Variants in SDK1 observed in about 807,000 individuals in gnomAD.
The protein encoded by SDK1 is protein sidekick-1.
In SDK1, 157 loss-of-function variants were observed where a neutral mutation model predicts 245.5. That is an observed-to-expected ratio of 0.64 (90% CI 0.56 to 0.73). The LOEUF (loss-of-function observed/expected upper bound fraction) is 0.73, where lower values mean the gene tolerates loss of function less well. Ranked by LOEUF, SDK1 falls within the 30% of genes least tolerant of loss-of-function variation. The pLI is 0.00. For missense variants in SDK1, 3,583 were observed against 3,002.3 expected, an observed-to-expected ratio of 1.19 and a Z score of -4.52; for synonymous variants, 1,647 against 1,278.5, an observed-to-expected ratio of 1.29 and a Z score of -6.15.
intron 1 of SDK1, among the ~76,000 whole-genome samples, chr7:3,321,609 A>G (rs929051999): frequency 6.6e-6 from 1 of 152,150 alleles, no homozygotes; most frequent in Non-Finnish European, 1.5e-5. Context: ...CCAAAGAAAC[A>G]TTCTTCATGT....
chr7:4,151,481 G>A (rs1028814669), intron 30 of SDK1, among the ~76,000 whole-genome samples: 27 of 152,142 alleles, frequency 1.8e-4, no homozygotes, highest in Non-Finnish European at 2.8e-4. Flanking sequence ...AAGCTGTTCC[G>A]TCCCCACAAC....
intron 32 of SDK1, among the ~76,000 whole-genome samples, chr7:4,166,782 G>C (rs1781526326): frequency 6.6e-6 from 1 of 152,224 alleles, no homozygotes; most frequent in Non-Finnish European, 1.5e-5. Flanking sequence ...ACGTGGTTGA[G>C]CCTCCCTCAG....
intron 1 of SDK1, among the ~76,000 whole-genome samples, chr7:3,443,786 G>T (rs1346801956): frequency 2.0e-5 from 3 of 152,084 alleles, no homozygotes; most frequent in African/African-American, 7.2e-5. Flanking sequence ...TTTATTTTTA[G>T]ATTCTTTCTT....
intron 1 of SDK1, among the ~76,000 whole-genome samples, chr7:3,372,593 G>A (rs1444320814): frequency 4.6e-5 from 7 of 152,272 alleles, no homozygotes; most frequent in African/African-American, 1.4e-4. Flanking sequence ...CTTTGAGAAC[G>A]TCACTGGGCC....
chr7:4,067,759 T>A (rs1779994931), intron 19 of SDK1, 79 bp from the exon 20 acceptor site: 2 of 1,036,012 alleles, frequency 1.9e-6, no homozygotes, highest in Non-Finnish European at 2.9e-6. Context: ...CCTTCCATAG[T>A]TAGAACCTTC....
chr7:3,503,632 A>G (rs553581407), intron 1 of SDK1, among the ~76,000 whole-genome samples: 187 of 152,246 alleles, frequency 1.2e-3, no homozygotes, highest in African/African-American at 4.1e-3. Flanking sequence ...CGCTATGACC[A>G]TGCCACTGCA....
chr7:3,491,394 A>T (rs1050325665), intron 1 of SDK1, among the ~76,000 whole-genome samples: 2 of 152,256 alleles, frequency 1.3e-5, no homozygotes, highest in African/African-American at 2.4e-5. Flanking sequence ...AAACGATGTC[A>T]GTGTTTAGCC....
intron 17 of SDK1, among the ~76,000 whole-genome samples, chr7:4,038,286 C>T (rs1267748554): frequency 6.6e-6 from 1 of 152,236 alleles, no homozygotes; most frequent in Non-Finnish European, 1.5e-5. Flanking sequence ...CTCCCCACTT[C>T]CTGGCAGATG....
chr7:3,806,657 A>G (rs2115041793), intron 4 of SDK1, among the ~76,000 whole-genome samples: 2 of 151,908 alleles, frequency 1.3e-5, no homozygotes, highest in African/African-American at 2.4e-5. Context: ...AAATGTGACG[A>G]GGACTAAGAA....
rs541677495 is a variant in SDK1, at chr7:4,192,382, TCTC to T, written c.5099-13494_5099-13492del. On this transcript the variant is annotated intron_variant, in intron 35 of 44. Coordinates refer to ENST00000404826, the MANE Select transcript of SDK1 (RefSeq NM_152744.4). ...GCTCCGCCTCCCGGGTTCACACCAT[TCTC>T]CTGCCTCAGCCTCCCAAGTAGCTGG... 4.2e-4 allele frequency among the ~76,000 whole-genome samples: 64 copies of T among 152,244 alleles called. 1 individual carries two copies. Among genetic ancestry groups the T allele is most frequent in the African/African-American group, 1.3e-3 (54 of 41,530 alleles).
chr7:3,872,731 A>G (rs950470619), intron 5 of SDK1, among the ~76,000 whole-genome samples: 1 of 151,938 alleles, frequency 6.6e-6, no homozygotes, highest in Non-Finnish European at 1.5e-5. Context: ...GGTTTCACTG[A>G]TTTAATGCCT....
rs764861218 is a variant in SDK1, at chr7:3,967,304, A to G, written c.1430-14A>G. 5 of 1,596,472 alleles carry G rather than the reference A, an allele frequency of 3.1e-6. No homozygotes were observed. The highest frequency in any genetic ancestry group is 4.3e-6 in the Non-Finnish European group (5 of 1,164,376). ...GAACAAGGCCCTGATCATTTCATTT[A>G]CTCCTCTTCTCAGATATCGCTCCAG... is the stretch of plus-strand genomic sequence containing the variant. On this transcript the variant is annotated splice_polypyrimidine_tract_variant and intron_variant, in intron 9 of 44. Coordinates refer to ENST00000404826, the MANE Select transcript of SDK1 (RefSeq NM_152744.4).
chr7:3,621,730 T>A (rs1781945671), intron 2 of SDK1, among the ~76,000 whole-genome samples: 1 of 152,192 alleles, frequency 6.6e-6, no homozygotes, highest in Non-Finnish European at 1.5e-5. Flanking sequence ...AGTCTTCCTG[T>A]GGAACTCTCT....
At chr7:3,659,979 A>C (rs926380125) in intron 4 of SDK1, among the ~76,000 whole-genome samples, 3 of 152,214 alleles carry the variant, frequency 2.0e-5, no homozygotes, top group Non-Finnish European at 4.4e-5. Flanking sequence ...CAGATCGGAT[A>C]TGGGGCTTGT....
intron 5 of SDK1, among the ~76,000 whole-genome samples, chr7:3,915,696 C>G (rs974762853): frequency 1.3e-5 from 2 of 152,076 alleles, no homozygotes; most frequent in Non-Finnish European, 2.9e-5. Flanking sequence ...ATACACTAAC[C>G]AAGCACCCTC....
chr7:4,127,879 G>A (rs1784496534), intron 26 of SDK1, among the ~76,000 whole-genome samples: 1 of 152,236 alleles, frequency 6.6e-6, no homozygotes, highest in African/African-American at 2.4e-5. Flanking sequence ...CAGGGTTGGT[G>A]TGAGAATTCA....
intron 14 of SDK1, among the ~76,000 whole-genome samples, chr7:4,002,703 A>G (rs1447100157): frequency 1.3e-5 from 2 of 152,254 alleles, no homozygotes; most frequent in African/African-American, 2.4e-5. Context: ...CAAAATATAC[A>G]TAAAATTTAC....
intron 4 of SDK1, among the ~76,000 whole-genome samples, chr7:3,780,976 G>T (rs60732170): frequency 6.6e-6 from 1 of 152,008 alleles, no homozygotes; most frequent in South Asian, 2.1e-4. Context: ...GACGTAAGCA[G>T]GGAGACTCCC....
intron 1 of SDK1, among the ~76,000 whole-genome samples, chr7:3,461,852 T>G (rs1042688703): frequency 6.6e-6 from 1 of 152,214 alleles, no homozygotes; most frequent in African/African-American, 2.4e-5. Context: ...GTTCCATCTT[T>G]TTCTGTCTTC....
Sources: allele counts gnomAD v4.1 joint callset (sites outside exome capture counted in the v4.1 genomes callset), GRCh38; gene constraint gnomAD v4.1.1; transcripts MANE v1.5; gene names NCBI Gene and HGNC (gene_info 2026-07-23, HGNC 2026-07-21).